SS18: variants seen among roughly 807,000 people sequenced by gnomAD.
The protein encoded by SS18 is protein SSXT.
In SS18, 28 loss-of-function variants were observed where a neutral mutation model predicts 72.5. That is an observed-to-expected ratio of 0.39 (90% CI 0.29 to 0.53). The LOEUF is 0.53. SS18 is among the 20% of genes least tolerant of loss of function. SS18 has a pLI of 0.76. For missense variants in SS18, 518 were observed against 535.3 expected (o/e 0.97, Z 0.32); for synonymous variants, 172 against 164.2 (o/e 1.05, Z -0.37).
chr18:26,042,298 A>G (rs1223920292), intron 5 of SS18, among the ~76,000 whole-genome samples: 4 of 152,178 alleles, frequency 2.6e-5, no homozygotes, highest in African/African-American at 9.6e-5. Context: ...ATCATACATT[A>G]CTACAGACTT....
intron 5 of SS18, among the ~76,000 whole-genome samples, chr18:26,043,331 T>C (rs953455809): frequency 6.6e-6 from 1 of 152,168 alleles, no homozygotes; most frequent in African/African-American, 2.4e-5. Context: ...TCTCTATCAC[T>C]GTAATATAAA....
chr18:26,055,483 G>C (rs539355411), intron 4 of SS18, among the ~76,000 whole-genome samples: 1 of 151,960 alleles, frequency 6.6e-6, no homozygotes, highest in East Asian at 2.0e-4. Context: ...GAAAAAAATA[G>C]TAATTTTTAA....
At chr18:26,025,754 A>G (rs2053435023) in intron 10 of SS18, among the ~76,000 whole-genome samples, 1 of 152,126 alleles carries the variant, frequency 6.6e-6, no homozygotes, top group South Asian at 2.1e-4. Flanking sequence ...TTTGCACCAA[A>G]CATTTTAGAA....
intron 3 of SS18, among the ~76,000 whole-genome samples, chr18:26,059,513 C>T (rs2054082388): frequency 6.6e-6 from 1 of 152,162 alleles, no homozygotes; most frequent in Non-Finnish European, 1.5e-5. Context: ...GCAGAGATTC[C>T]AGCTGCTGCT....
chr18:26,054,054 T>C (rs988583726), intron 4 of SS18, among the ~76,000 whole-genome samples: 3 of 152,206 alleles, frequency 2.0e-5, no homozygotes, highest in Admixed American at 6.5e-5. Flanking sequence ...TATTTCCACA[T>C]AACCTATGTA....
At chr18:26,056,070 A>C (rs1207282617) in intron 4 of SS18, among the ~76,000 whole-genome samples, 1 of 152,076 alleles carries the variant, frequency 6.6e-6, no homozygotes. Context: ...AGAAATTCTT[A>C]ACTATTGTTT....
chr18:26,030,255 C>T (rs1051855156), intron 10 of SS18, among the ~76,000 whole-genome samples: 1 of 152,208 alleles, frequency 6.6e-6, no homozygotes, highest in African/African-American at 2.4e-5. Flanking sequence ...TACTGAACTA[C>T]ACACGGTTTA....
chr18:26,087,768 C>CA (rs968136485), intron 1 of SS18, among the ~76,000 whole-genome samples, 191 bp from the exon 2 acceptor site: 3 of 151,676 alleles, frequency 2.0e-5, no homozygotes, highest in East Asian at 3.9e-4. Context: ...CATGGAAACA[C>CA]AAAAAAAACA....
At chr18:26,057,006 T>C (rs1368143484) in intron 4 of SS18, among the ~76,000 whole-genome samples, 2 of 152,218 alleles carry the variant, frequency 1.3e-5, no homozygotes, top group East Asian at 3.8e-4. Flanking sequence ...GTATAAATAA[T>C]GTAAGGAAGT....
At chr18:26,050,209 T>C (rs2053897148) in intron 5 of SS18, among the ~76,000 whole-genome samples, 1 of 149,938 alleles carries the variant, frequency 6.7e-6, no homozygotes, top group South Asian at 2.1e-4. Context: ...CACTCCAGCC[T>C]GGGCGACAAA....
intron 10 of SS18, among the ~76,000 whole-genome samples, chr18:26,024,245 A>G (rs2053406080): frequency 1.3e-5 from 2 of 152,206 alleles, no homozygotes; most frequent in African/African-American, 4.8e-5. Context: ...TGAGTAGTTA[A>G]AGGGGAATGA....
chr18:26,076,846 A>T (rs1167399067), intron 3 of SS18, among the ~76,000 whole-genome samples: 1 of 151,974 alleles, frequency 6.6e-6, no homozygotes, highest in African/African-American at 2.4e-5. Context: ...AAATGTATTA[A>T]ATTCAGATAA....
chr18:26,018,082 T>C lies in SS18; in HGVS notation c.*272A>G, dbSNP rs1232995875. 1 of 346,370 alleles carries C rather than the reference T, an allele frequency of 2.9e-6. No homozygotes were observed. The highest frequency in any genetic ancestry group is 5.3e-6 in the Non-Finnish European group (1 of 189,482). The allele number at this position is 346,370 out of a possible 1,614,324, so 21.5% of individuals were successfully genotyped here. ...TGTAACAGTCCATTTGAAACACAGTTCCAAAATCATTACAAATTGGTTATG... is the reference window on the plus strand; with the variant it reads ...TGTAACAGTCCATTTGAAACACAGTCCCAAAATCATTACAAATTGGTTATG... On this transcript the variant is annotated 3_prime_UTR_variant, in exon 11 of 11. Transcript: ENST00000415083.
chr18:26,067,997 G>T (rs1010761113), intron 3 of SS18, among the ~76,000 whole-genome samples: 1 of 152,084 alleles, frequency 6.6e-6, no homozygotes, highest in Non-Finnish European at 1.5e-5. Flanking sequence ...TCACAATAGG[G>T]TTCACCTTCC....
chr18:26,084,456 TGTGCCTCAAG>T (rs2054582528), intron 2 of SS18, among the ~76,000 whole-genome samples: 1 of 152,168 alleles, frequency 6.6e-6, no homozygotes. Context: ...ACAATGTAAA[TGTGCCTCAAG>T]GTATTAGATA....
chr18:26,089,999 G>C (rs2054689061), intron 1 of SS18: 1 of 161,200 alleles, frequency 6.2e-6, no homozygotes, highest in Non-Finnish European at 1.3e-5. Context: ...CGTTCCCCAA[G>C]TCCTCCTGCG....
At chr18:26,024,950 G>C (rs1017484574) in intron 10 of SS18, among the ~76,000 whole-genome samples, 3 of 498 alleles carry the variant, frequency 6.0e-3, no homozygotes, top group African/African-American at 0.022. Flanking sequence ...AAACAAATAT[G>C]TTAAAGGATG....
Position 26,035,223 on chromosome 18 carries a change from A to G in SS18, c.974-96T>C, listed in dbSNP as rs541357417. The G allele has an allele frequency of 1.4e-4, 183 of 1,311,028 alleles. 1 individual carries two copies. In the African/African-American group the frequency reaches 2.6e-3, roughly 18 times the overall value. The allele number at this position is 1,311,028 out of a possible 1,614,324, so 81.2% of individuals were successfully genotyped here. On this transcript the variant is annotated intron_variant, in intron 8 of 10. Transcript: ENST00000415083. The surrounding 1 kb of genome is among the most constrained non-coding windows in gnomAD (Gnocchi z 4.4). The stretch of plus-strand genomic sequence containing the variant: ...GCATAGCCAACAACACAAGAACAAA[A>G]TGAAATGCCATATTGATTTTTAGAA...
chr18:26,083,987 C>G (rs1364478263), intron 2 of SS18: 1 of 152,008 alleles, frequency 6.6e-6, no homozygotes, highest in African/African-American at 2.4e-5. Flanking sequence ...GCACTCAGAT[C>G]TTAGTTTCTA....
Sources: gnomAD v4.1 joint callset for allele counts (sites outside exome capture counted in the v4.1 genomes callset) on GRCh38, gnomAD v4.1.1 for gene constraint, Gnocchi (gnomAD v3.1) non-coding constraint, MANE v1.5 for transcripts, NCBI Gene and HGNC (gene_info 2026-07-23, HGNC 2026-07-21) for gene names.